Variants in MMRN1 observed in about 807,000 individuals in gnomAD.
The protein encoded by MMRN1 is multimerin-1.
In MMRN1, 94 loss-of-function variants were observed where a neutral mutation model predicts 100.7. The ratio of observed to expected loss-of-function variants is 0.93; its 90% confidence interval spans 0.79 to 1.11. The LOEUF (loss-of-function observed/expected upper bound fraction) is 1.11, where lower values mean the gene tolerates loss of function less well. Ranked by LOEUF, MMRN1 falls within the 50% of genes least tolerant of loss-of-function variation. The probability of loss-of-function intolerance (pLI) is 0.00; values close to 1 mark genes in which losing one functional copy is unlikely to be tolerated. For synonymous variants in MMRN1, 575 were observed against 505.0 expected, an observed-to-expected ratio of 1.14 and a Z score of -1.86; for missense variants, 1,606 against 1,439.1, an observed-to-expected ratio of 1.12 and a Z score of -1.88.
chr4:89,914,043 A>C (rs1202087543), intron 3 of MMRN1, among the ~76,000 whole-genome samples: 1 of 151,260 alleles, frequency 6.6e-6, no homozygotes, highest in Non-Finnish European at 1.5e-5. Flanking sequence ...CTATTAGTGC[A>C]ATTGATGCAC....
intron 5 of MMRN1, among the ~76,000 whole-genome samples, chr4:89,928,871 T>A (rs1722347414): frequency 6.6e-6 from 1 of 152,172 alleles, no homozygotes; most frequent in Admixed American, 6.5e-5. Context: ...TACATATTCA[T>A]GGATACAGGG....
chr4:89,942,853 T>C (rs1328581300), intron 6 of MMRN1, among the ~76,000 whole-genome samples: 11 of 152,216 alleles, frequency 7.2e-5, no homozygotes, highest in Admixed American at 6.6e-4. Flanking sequence ...CACTTATTTT[T>C]TTACTTTTTA....
rs771579929 is a variant in MMRN1, at chr4:89,909,266, T to A, written c.624-10T>A. 3.2e-6 allele frequency: 5 copies of A among 1,572,430 alleles called. No individual in the cohort carries two copies. The South Asian group carries it at 5.9e-5, about 19-fold the overall frequency. On this transcript the variant is annotated splice_polypyrimidine_tract_variant and intron_variant, in intron 1 of 7. Coordinates refer to ENST00000264790, the MANE Select transcript of MMRN1 (RefSeq NM_007351.3). ...ACAGTTTTTTCCCTAACAATTATGA[T>A]CTTCTTTAGGAATTGGTGTGCTTAT... is the stretch of plus-strand genomic sequence containing the variant.
Position 89,953,048 on chromosome 4 carries a change from C to T in MMRN1, c.3317C>T (p.Ser1106Phe), listed in dbSNP as rs1310956389. Residue 1106 changes from serine (S) to phenylalanine (F), a missense_variant, in exon 8 of 8, where the codon TCT becomes TTT. Physicochemically the swap from Ser to Phe is radical, Grantham distance 155 (BLOSUM62 -2). Coordinates refer to ENST00000264790, the MANE Select transcript of MMRN1 (RefSeq NM_007351.3). ...RYAPMVAFFA[S>F]HTYGMTIPGP... ...GCACCCATGGTGGCATTTTTTGCAT[C>T]TCATACGTATGGAATGACTATACCT... 1 of 1,610,998 alleles carries T rather than the reference C, an allele frequency of 6.2e-7. No individual in the cohort carries two copies. Among genetic ancestry groups the T allele is most frequent in the African/African-American group, 1.3e-5 (1 of 74,784 alleles).
At chr4:89,885,396 T>A (rs72657790) in intron 1 of MMRN1, among the ~76,000 whole-genome samples, 5,616 of 152,138 alleles carry the variant, frequency 0.037, 140 homozygotes, top group Non-Finnish European at 0.054. Flanking sequence ...TTCTTGAAAT[T>A]TTTTTTGTAA....
intron 3 of MMRN1, among the ~76,000 whole-genome samples, chr4:89,921,359 GCTGATT>G (rs1480834224): frequency 6.6e-6 from 1 of 152,070 alleles, no homozygotes; most frequent in African/African-American, 2.4e-5. Flanking sequence ...TGCTCATACT[GCTGATT>G]AAAGGACCCC....
intron 3 of MMRN1, among the ~76,000 whole-genome samples, chr4:89,915,767 T>A (rs1721892749): frequency 6.6e-6 from 1 of 151,560 alleles, no homozygotes; most frequent in African/African-American, 2.4e-5. Context: ...TTAAAAAATA[T>A]ATTGCATTTT....
At chr4:89,898,430 C>T (rs1053170559) in intron 1 of MMRN1, among the ~76,000 whole-genome samples, 1 of 152,002 alleles carries the variant, frequency 6.6e-6, no homozygotes, top group African/African-American at 2.4e-5. Context: ...TAGCTCTCAG[C>T]TCCTACATTA....
chr4:89,890,387 A>C (rs1034355952), upstream of MMRN1, among the ~76,000 whole-genome samples: 3 of 151,982 alleles, frequency 2.0e-5, no homozygotes, highest in Non-Finnish European at 4.4e-5. Context: ...TGGCGTTCCT[A>C]GTTTGCCAAA....
chr4:89,902,546 A>C (rs1350697141), intron 1 of MMRN1, among the ~76,000 whole-genome samples: 1 of 152,042 alleles, frequency 6.6e-6, no homozygotes, highest in Non-Finnish European at 1.5e-5. Flanking sequence ...ATGGCCATAC[A>C]TTCGGCTCGT....
At chr4:89,916,193 T>G (rs1165817428) in intron 3 of MMRN1, among the ~76,000 whole-genome samples, 1 of 151,528 alleles carries the variant, frequency 6.6e-6, no homozygotes, top group East Asian at 1.9e-4. Context: ...TAACATAAAC[T>G]ATTGAATTTG....
chr4:89,900,041 TA>T lies in MMRN1; in HGVS notation c.623+4449del, dbSNP rs556896922. Reference sequence around the variant, plus strand: ...GGAAAAGTATGACATCATACTTGCTTAATTTGAATTTTTAGATTTGTCTTTC... The same window carrying T: ...GGAAAAGTATGACATCATACTTGCTTATTTGAATTTTTAGATTTGTCTTTC... On this transcript the variant is annotated intron_variant, in intron 1 of 7. Transcript: ENST00000264790. 2.4e-3 allele frequency among the ~76,000 whole-genome samples: 361 copies of T among 152,218 alleles called. 1 individual carries two copies. The highest frequency in any genetic ancestry group is 8.3e-3 in the African/African-American group (346 of 41,552).
intron 1 of MMRN1, among the ~76,000 whole-genome samples, chr4:89,903,916 CTA>C (rs1175569655): frequency 1.5e-5 from 2 of 137,276 alleles, no homozygotes; most frequent in Admixed American, 7.5e-5. Flanking sequence ...AAAAAAAACT[CTA>C]GGCACAGAAA....
intron 1 of MMRN1, among the ~76,000 whole-genome samples, chr4:89,898,666 A>G (rs1427252289): frequency 1.3e-5 from 2 of 151,662 alleles, no homozygotes; most frequent in Non-Finnish European, 2.9e-5. Context: ...CTCTGGTACA[A>G]TATGTGCTGT....
chr4:89,926,040 A>G (rs575073949), intron 4 of MMRN1, among the ~76,000 whole-genome samples: 2 of 152,112 alleles, frequency 1.3e-5, no homozygotes, highest in Non-Finnish European at 2.9e-5. Flanking sequence ...ATGGTCATGT[A>G]TGTTTCTTCC....
intron 1 of MMRN1, among the ~76,000 whole-genome samples, chr4:89,907,938 T>C (rs1721622539): frequency 1.3e-5 from 2 of 151,284 alleles, no homozygotes; most frequent in Admixed American, 6.6e-5. Context: ...TTGTGGATAC[T>C]ATGTTATTAG....
At chr4:89,946,317 G>T (rs375171811) in intron 6 of MMRN1, among the ~76,000 whole-genome samples, 1 of 152,090 alleles carries the variant, frequency 6.6e-6, no homozygotes, top group Non-Finnish European at 1.5e-5. Context: ...AAGTTCCCTC[G>T]CTAATCTCTT....
chr4:89,884,750 C>T (rs541230822), intron 1 of MMRN1, among the ~76,000 whole-genome samples: 5 of 152,130 alleles, frequency 3.3e-5, no homozygotes, highest in African/African-American at 9.6e-5. Flanking sequence ...GAGTGTGCCA[C>T]CACACCCGGC....
chr4:89,951,563 G>T (rs1221889993), intron 6 of MMRN1, 42 bp from the exon 7 acceptor site: 2 of 1,429,732 alleles, frequency 1.4e-6, no homozygotes, highest in Non-Finnish European at 1.8e-6. Context: ...AGGAAAATAG[G>T]TCACTTTATT....
Sources: allele counts gnomAD v4.1 joint callset (sites outside exome capture counted in the v4.1 genomes callset), GRCh38; gene constraint gnomAD v4.1.1; transcripts MANE v1.5; gene names NCBI Gene and HGNC (gene_info 2026-07-23, HGNC 2026-07-21).